JCAD: variants seen among roughly 807,000 people sequenced by gnomAD.
The protein encoded by JCAD is junctional cadherin 5-associated protein.
A neutral mutation model predicts 98.0 loss-of-function variants in JCAD; 40 were observed. The ratio of observed to expected loss-of-function variants is 0.41; its 90% CI spans 0.32 to 0.53. JCAD has a LOEUF of 0.53. Ranked by LOEUF, JCAD falls within the 20% of genes least tolerant of loss-of-function variation. The pLI, the probability that JCAD is intolerant of heterozygous loss-of-function variation, is 0.31. For missense variants in JCAD, 1,705 were observed against 1,738.1 expected, an observed-to-expected ratio of 0.98 and a Z score of 0.34; for synonymous variants, 691 against 682.3, an observed-to-expected ratio of 1.01 and a Z score of -0.20.
In JCAD at chr10:30,050,314, CAAAAAAAAAAAAAAA is replaced by C. The variant is rs61421356; in HGVS notation, c.-59-2458_-59-2444del. On this transcript the variant is annotated intron_variant, in intron 1 of 3. Coordinates refer to ENST00000375377, the MANE Select transcript of JCAD (RefSeq NM_020848.4). Reference sequence around the variant, plus strand: ...TGAGTGACACAGCAAGACCCTGTCTCAAAAAAAAAAAAAAAAAAAAAAAAAAAAGAAAGAAAGAAA... The same window carrying C: ...TGAGTGACACAGCAAGACCCTGTCTCAAAAAAAAAAAAAGAAAGAAAGAAA... Among the ~76,000 whole-genome samples, 13 of 41,762 alleles carry C rather than the reference CAAAAAAAAAAAAAAA, an allele frequency of 3.1e-4. No individual in the cohort carries two copies. In the East Asian group the frequency reaches 3.7e-3, roughly 12 times the overall value. The allele number at this position is 41,762 out of a possible 152,430, so 27.4% of individuals were successfully genotyped here. A position where few individuals can be genotyped will look rare whatever the true frequency, so the allele number is the denominator to read the frequency against.
In JCAD at chr10:30,077,141, G is replaced by A. The variant is rs1331919007; in HGVS notation, n.129-7320C>T. On this transcript the variant is annotated intron_variant and non_coding_transcript_variant, in intron 1 of 2. Coordinates refer to the JCAD transcript ENST00000465712. ...GTGAAACCAGCTTCACAGAGTCTGA[G>A]TGTCTAGTCTTCTTGGGCACAAGGT... is the stretch of plus-strand genomic sequence containing the variant. 4.6e-5 allele frequency among the ~76,000 whole-genome samples: 7 copies of A among 152,336 alleles called. No homozygotes were observed. In the East Asian group the frequency reaches 5.8e-4, roughly 13 times the overall value.
intron 1 of JCAD, among the ~76,000 whole-genome samples, chr10:30,092,098 T>TTATA (rs1554802538): frequency 2.7e-4 from 12 of 44,596 alleles, no homozygotes; most frequent in South Asian, 1.9e-3. Context: ...TAAAGTTACT[T>TTATA]TATATATATA....
At position 30,015,338 on chromosome 10, in the gene JCAD, C is replaced by A. The variant is rs1836512266; in HGVS notation, c.*2545G>T. 1.3e-5 allele frequency: 2 copies of A among 152,124 alleles called. No individual in the cohort carries two copies. The highest frequency in any genetic ancestry group is 2.9e-5 in the Non-Finnish European group (2 of 68,038). 9.4% of individuals were successfully genotyped at this position (152,124 alleles called of 1,614,324 possible). A position where few individuals can be genotyped will look rare whatever the true frequency, so the allele number is the denominator to read the frequency against. On this transcript the variant is annotated 3_prime_UTR_variant, in exon 4 of 4. Transcript: ENST00000375377. Reference sequence around the variant, plus strand: ...TATGTATGAGAAATAGAAACAATAACTAAACAATTAGTGTTAAATTCAAGA... The same window carrying A: ...TATGTATGAGAAATAGAAACAATAAATAAACAATTAGTGTTAAATTCAAGA...
At chr10:30,112,147 C>G (rs190936485) in intron 1 of JCAD, among the ~76,000 whole-genome samples, 2 of 152,210 alleles carry the variant, frequency 1.3e-5, no homozygotes, top group African/African-American at 4.8e-5. Flanking sequence ...GAATGGAGGA[C>G]CGATGCAGGC....
chr10:30,051,280 G>GCATGCACA (rs1323572626), intron 1 of JCAD, among the ~76,000 whole-genome samples: 1 of 78,926 alleles, frequency 1.3e-5, no homozygotes, highest in African/African-American at 4.5e-5. Flanking sequence ...ACGCACACAC[G>GCATGCACA]CACGCACACA....
At chr10:30,080,595 A>T (rs1411923927) in intron 1 of JCAD, among the ~76,000 whole-genome samples, 1 of 152,204 alleles carries the variant, frequency 6.6e-6, no homozygotes, top group South Asian at 2.1e-4. Flanking sequence ...TCAAATTCAG[A>T]TGCCTGTATC....
chr10:30,108,882 A>G (rs1838637430), intron 1 of JCAD, among the ~76,000 whole-genome samples: 1 of 151,826 alleles, frequency 6.6e-6, no homozygotes, highest in African/African-American at 2.4e-5. Context: ...AGTAGCTCTC[A>G]CATGCTTTTG....
In JCAD at chr10:30,029,127, C is replaced by G; in HGVS notation, c.1021G>C (p.Val341Leu). 2 of 1,614,166 alleles carry G rather than the reference C, an allele frequency of 1.2e-6. No homozygotes were observed. Among genetic ancestry groups the G allele is most frequent in the African/African-American group, 1.3e-5 (1 of 75,040 alleles). The change falls in exon 3 of 4, where the codon GTG (valine) becomes CTG (leucine). Residue 341 changes from valine to leucine, a missense_variant. This residue lies in a region of JCAD where 275 missense variants were observed against 346.9 expected (regional missense o/e 0.79). Coordinates refer to ENST00000375377, the MANE Select transcript of JCAD (RefSeq NM_020848.4). ...GGCGATCTGTATGAGGGCGGAGGCACGTACACTGGAGGTTCCAATCCAGGG... is the reference window on the plus strand; with the variant it reads ...GGCGATCTGTATGAGGGCGGAGGCAGGTACACTGGAGGTTCCAATCCAGGG... ...SDPGLEPPVY[V>L]PPPSYRSPPQ...
rs572063912 is a variant in JCAD at position 30,081,360 on chromosome 10, A to G, written n.129-11539T>C. ...TTATCTTGGAAGACTTAATTGAATGACAGAATTGGAGGAAGGGTTGAACAA... is the reference window on the plus strand; with the variant it reads ...TTATCTTGGAAGACTTAATTGAATGGCAGAATTGGAGGAAGGGTTGAACAA... On this transcript the variant is annotated intron_variant and non_coding_transcript_variant, in intron 1 of 2. Coordinates refer to the JCAD transcript ENST00000465712. Among the ~76,000 whole-genome samples the G allele has an allele frequency of 7.2e-5, 11 of 152,354 alleles. No homozygotes were observed. The South Asian group carries it at 2.3e-3, about 32-fold the overall frequency.
chr10:30,110,544 T>C (rs1472756017), intron 1 of JCAD, among the ~76,000 whole-genome samples: 1 of 151,636 alleles, frequency 6.6e-6, no homozygotes, highest in Non-Finnish European at 1.5e-5. Flanking sequence ...ATAGGACAGC[T>C]GATGTATGGA....
chr10:30,078,339 G>A (rs1838014250), intron 1 of JCAD, among the ~76,000 whole-genome samples: 1 of 152,206 alleles, frequency 6.6e-6, no homozygotes, highest in South Asian at 2.1e-4. Context: ...TTGAAGGAAG[G>A]CAAACAGCTG....
At chr10:30,048,270 A>G (rs1237723732) in intron 1 of JCAD, among the ~76,000 whole-genome samples, 1 of 152,190 alleles carries the variant, frequency 6.6e-6, no homozygotes, top group Non-Finnish European at 1.5e-5. Flanking sequence ...TGACTGCTTC[A>G]TGTTTCTAAA....
In JCAD at chr10:30,084,829, CTGTG is replaced by C. The variant is rs766429125; in HGVS notation, n.129-15012_129-15009del. Among the ~76,000 whole-genome samples, 5 of 150,364 alleles carry C rather than the reference CTGTG, an allele frequency of 3.3e-5. No individual in the cohort carries two copies. In the East Asian group the frequency reaches 5.9e-4, roughly 18 times the overall value. ...TCTATCTATCTATCTATCTATCTATCTGTGTATCTATCCATCCATCCATCCATCC... is the reference window on the plus strand; with the variant it reads ...TCTATCTATCTATCTATCTATCTATCTATCTATCCATCCATCCATCCATCC... On this transcript the variant is annotated intron_variant and non_coding_transcript_variant, in intron 1 of 2. Coordinates refer to the JCAD transcript ENST00000465712.
chr10:30,012,945 T>G lies in JCAD; in HGVS notation c.*4938A>C, dbSNP rs1382727574. 6.6e-6 allele frequency: 1 copy of G among 152,498 alleles called. No homozygotes were observed. Among genetic ancestry groups the G allele is most frequent in the East Asian group, 1.9e-4 (1 of 5,200 alleles). 9.4% of individuals were successfully genotyped at this position (152,498 alleles called of 1,614,324 possible). On this transcript the variant is annotated 3_prime_UTR_variant, in exon 4 of 4. Transcript: ENST00000375377. ...ATCTGTGCTTTGCCGGCATTTTATC[T>G]GCTACTTTGTCCTGCTTCTCTCTTC...
chr10:30,082,110 T>C (rs1002501301), intron 1 of JCAD, among the ~76,000 whole-genome samples: 2 of 152,216 alleles, frequency 1.3e-5, no homozygotes, highest in African/African-American at 4.8e-5. Flanking sequence ...TGAATTATTA[T>C]GAATATATAT....
intron 1 of JCAD, among the ~76,000 whole-genome samples, chr10:30,092,052 AAAAAAAAAAAAAATATAT>A (rs1160713217): frequency 9.1e-4 from 23 of 25,394 alleles, no homozygotes; most frequent in African/African-American, 1.1e-3. Flanking sequence ...AAAAAAAAAA[AAAAAAAAAAAAAATATAT>A]ATATATATAT....
At chr10:30,022,143 G>A (rs1836672295) in intron 3 of JCAD, among the ~76,000 whole-genome samples, 1 of 152,186 alleles carries the variant, frequency 6.6e-6, no homozygotes, top group Admixed American at 6.5e-5. Flanking sequence ...GTTTTGGGCT[G>A]TTGATTTCTT....
chr10:30,039,071 G>T (rs1013295223), intron 2 of JCAD, among the ~76,000 whole-genome samples: 3 of 152,202 alleles, frequency 2.0e-5, no homozygotes, highest in African/African-American at 7.2e-5. Context: ...TGGCAAGGAC[G>T]CACTGATGCC....
At position 30,027,891 on chromosome 10, in the gene JCAD, G is replaced by T. The variant is rs753752951; in HGVS notation, c.2257C>A (p.His753Asn). ...QRPSARNLKG[H>N]RSLSPSSNSA... ...TTGCTGGATGGGCTGAGGGACCTGT[G>T]ACCTTTCAGGTTACGGGCACTTGGC... Residue 753 changes from histidine (H) to asparagine (N), a missense_variant, in exon 3 of 4, where the codon CAC (histidine) becomes AAC (asparagine). By Grantham distance (68) the His-to-Asn change is moderately conservative. Transcript: ENST00000375377. The T allele has an allele frequency of 6.2e-7, 1 of 1,614,102 alleles. No homozygotes were observed. The highest frequency in any genetic ancestry group is 8.5e-7 in the Non-Finnish European group (1 of 1,180,044).
Sources: allele counts gnomAD v4.1 joint callset (sites outside exome capture counted in the v4.1 genomes callset), GRCh38; gene constraint gnomAD v4.1.1; regional missense constraint gnomAD v4.1.1; transcripts MANE v1.5; gene names NCBI Gene and HGNC (gene_info 2026-07-23, HGNC 2026-07-21).